Variants in RMST observed in about 807,000 individuals in gnomAD.
The protein encoded by RMST is rhabdomyosarcoma 2 associated transcript.
At chr12:97,494,167 G>A (rs574202432) in intron 8 of RMST, among the ~76,000 whole-genome samples, 85 of 152,270 alleles carry the variant, frequency 5.6e-4, no homozygotes, top group Middle Eastern at 6.8e-3. Flanking sequence ...CTGTCCCCAG[G>A]TAGCATTTGG....
exon 14 of RMST, chr12:97,564,512 A>G (rs1325941781): frequency 1.3e-5 from 2 of 152,610 alleles, no homozygotes; most frequent in Non-Finnish European, 2.9e-5. Flanking sequence ...GGCAAATGAT[A>G]TAAACTCTAT....
chr12:97,491,383 C>T (rs1876791120), intron 5 of RMST, among the ~76,000 whole-genome samples: 1 of 152,154 alleles, frequency 6.6e-6, no homozygotes, highest in African/African-American at 2.4e-5. Flanking sequence ...GAGTCGAGGG[C>T]ACGGTACTGT....
intron 10 of RMST, among the ~76,000 whole-genome samples, chr12:97,499,860 T>C (rs1165662587): frequency 6.6e-6 from 1 of 152,080 alleles, no homozygotes; most frequent in Non-Finnish European, 1.5e-5. Context: ...GGTTTCACCA[T>C]GTTGACCAGG....
chr12:97,475,591 T>TTTG (rs1168415983), intron 5 of RMST, among the ~76,000 whole-genome samples: 44 of 151,706 alleles, frequency 2.9e-4, no homozygotes, highest in African/African-American at 9.9e-4. Flanking sequence ...TTTTTTGTTT[T>TTTG]TTTTTTTTAC....
chr12:97,543,265 CT>C (rs1882689921), intron 11 of RMST, among the ~76,000 whole-genome samples: 1 of 151,998 alleles, frequency 6.6e-6, no homozygotes, highest in Non-Finnish European at 1.5e-5. Context: ...CGCACCAAGC[CT>C]TTTTGTCAAA....
intron 11 of RMST, among the ~76,000 whole-genome samples, chr12:97,552,858 A>G (rs539591214): frequency 2.0e-5 from 3 of 152,316 alleles, no homozygotes; most frequent in South Asian, 4.1e-4. Flanking sequence ...GTTTGCTTTC[A>G]GAATTGGAAG....
rs151222813 is a variant in RMST, at chr12:97,489,306, G to T, written n.645-3155G>T. Among the ~76,000 whole-genome samples the T allele has an allele frequency of 3.2e-3, 482 of 152,144 alleles. 2 individuals carry two copies. The highest frequency in any genetic ancestry group is 0.01 in the African/African-American group (418 of 41,506). ...ACTAAAAATACAAAAAATTAGTCAGGCATGGTGTCGTGCACCTGTAGTCCC... is the reference window on the plus strand; with the variant it reads ...ACTAAAAATACAAAAAATTAGTCAGTCATGGTGTCGTGCACCTGTAGTCCC... On this transcript the variant is annotated intron_variant and non_coding_transcript_variant, in intron 5 of 13. Transcript: ENST00000640149.
intron 5 of RMST, among the ~76,000 whole-genome samples, chr12:97,473,344 C>T (rs1874157553): frequency 6.6e-6 from 1 of 152,080 alleles, no homozygotes; most frequent in South Asian, 2.1e-4. Flanking sequence ...AAATATTTTA[C>T]TTTATTGAAG....
At chr12:97,505,073 A>G (rs1249694176) in intron 10 of RMST, among the ~76,000 whole-genome samples, 1 of 152,222 alleles carries the variant, frequency 6.6e-6, no homozygotes, top group African/African-American at 2.4e-5. Flanking sequence ...ATTGAAAAAT[A>G]TTTGATTCTT....
At chr12:97,474,207 G>C (rs1874255201) in intron 5 of RMST, among the ~76,000 whole-genome samples, 1 of 152,074 alleles carries the variant, frequency 6.6e-6, no homozygotes. Flanking sequence ...AAATCAGAAA[G>C]AAGGCTGCTT....
Position 97,521,636 on chromosome 12 carries a change from A to G in RMST, n.1341-9019A>G, listed in dbSNP as rs147019857. On this transcript the variant is annotated intron_variant and non_coding_transcript_variant, in intron 10 of 13. Transcript: ENST00000640149. ...CTCTCAAGCCCCCGCATAGTACTCAATCCTGAACTGGGGAGATTTTCATCA... is the reference window on the plus strand; with the variant it reads ...CTCTCAAGCCCCCGCATAGTACTCAGTCCTGAACTGGGGAGATTTTCATCA... Among the ~76,000 whole-genome samples the G allele has an allele frequency of 5.8e-3, 885 of 152,232 alleles. 13 individuals carry two copies. Among genetic ancestry groups the G allele is most frequent in the African/African-American group, 0.02 (814 of 41,544 alleles).
At chr12:97,468,433 G>A (rs967929364) in intron 5 of RMST, among the ~76,000 whole-genome samples, 2 of 151,934 alleles carry the variant, frequency 1.3e-5, no homozygotes, top group Admixed American at 1.3e-4. Flanking sequence ...ACTGTATATT[G>A]TACAAAACCT....
In RMST at chr12:97,553,895, A is replaced by G. The variant is rs369601140; in HGVS notation, n.1546-6642A>G. Among the ~76,000 whole-genome samples, 55 of 151,788 alleles carry G rather than the reference A, an allele frequency of 3.6e-4. No homozygotes were observed. In the East Asian group the frequency reaches 5.2e-3, roughly 14 times the overall value. ...GGACTAAATGAGATGATATATTTGC[A>G]TAGTATACACACATAGTAAATGCTC... On this transcript the variant is annotated intron_variant and non_coding_transcript_variant, in intron 11 of 13. Coordinates refer to ENST00000640149, the Ensembl canonical transcript of RMST.
intron 10 of RMST, among the ~76,000 whole-genome samples, chr12:97,512,324 T>C (rs942876491): frequency 6.6e-6 from 1 of 152,090 alleles, no homozygotes; most frequent in Non-Finnish European, 1.5e-5. Context: ...AGCAGCAAGA[T>C]TTATTGCAAA....
intron 11 of RMST, among the ~76,000 whole-genome samples, chr12:97,542,619 A>C (rs1034731037): frequency 1.4e-4 from 21 of 151,884 alleles, no homozygotes; most frequent in Non-Finnish European, 2.7e-4. Context: ...CCCAAAACAC[A>C]TAGAATATGA....
intron 5 of RMST, among the ~76,000 whole-genome samples, chr12:97,470,233 G>A (rs759182397): frequency 6.6e-6 from 1 of 152,088 alleles, no homozygotes. Flanking sequence ...GCGAGATAAT[G>A]CTCCACATTT....
intron 11 of RMST, among the ~76,000 whole-genome samples, chr12:97,535,091 G>A (rs1881968319): frequency 6.6e-6 from 1 of 151,590 alleles, no homozygotes; most frequent in South Asian, 2.1e-4. Context: ...CTCTTTAACA[G>A]ACAATAATTC....
intron 5 of RMST, among the ~76,000 whole-genome samples, chr12:97,482,203 G>C (rs1286963818): frequency 6.6e-6 from 1 of 152,150 alleles, no homozygotes; most frequent in Non-Finnish European, 1.5e-5. Context: ...TTAACGTCTT[G>C]GGGATTGGCA....
intron 11 of RMST, among the ~76,000 whole-genome samples, chr12:97,531,169 T>C (rs979586601): frequency 1.2e-4 from 18 of 152,024 alleles, no homozygotes; most frequent in African/African-American, 4.3e-4. Context: ...GACATTTATA[T>C]TGTGTAGCGT....
Sources: allele counts gnomAD v4.1 joint callset (sites outside exome capture counted in the v4.1 genomes callset), GRCh38; gene constraint gnomAD v4.1.1; transcripts MANE v1.5; gene names NCBI Gene and HGNC (gene_info 2026-07-23, HGNC 2026-07-21).